Variants in SH3TC1 observed in about 807,000 individuals in gnomAD.
SH3TC1 encodes the protein SH3 domain and tetratricopeptide repeats 1, also known as SH3 domain and tetratricopeptide repeat-containing protein 1.
Under a neutral mutation model 117.3 loss-of-function variants are expected in SH3TC1, and 135 were observed. The ratio of observed to expected loss-of-function variants is 1.15; its 90% CI spans 1.00 to 1.33. SH3TC1 has a LOEUF of 1.33. Among genes scored for constraint, SH3TC1 ranks in the 40% most tolerant of loss-of-function variants. SH3TC1 has a pLI of 0.00. For missense variants in SH3TC1, 2,092 were observed against 1,794.3 expected, an observed-to-expected ratio of 1.17 and a Z score of -3.00; for synonymous variants, 898 against 816.9, an observed-to-expected ratio of 1.10 and a Z score of -1.69.
chr4:8,230,048 C>T (rs1194872215), intron 12 of SH3TC1, among the ~76,000 whole-genome samples: 1 of 151,878 alleles, frequency 6.6e-6, no homozygotes, highest in Non-Finnish European at 1.5e-5. Flanking sequence ...GCTTCCCTGT[C>T]TCCCCACCCC....
chr4:8,198,063 G>A (rs975940002), upstream of SH3TC1, among the ~76,000 whole-genome samples: 2 of 152,090 alleles, frequency 1.3e-5, no homozygotes, highest in Admixed American at 1.3e-4. Flanking sequence ...AGTGGGTGGA[G>A]GCCAGGGACC....
Position 8,235,475 on chromosome 4 carries a change from GGGCTGGAGCTGTTTGAGGC to G in SH3TC1, c.3334_3352del (p.Leu1112ThrfsTer26). 1 of 1,601,590 alleles carries G rather than the reference GGGCTGGAGCTGTTTGAGGC, an allele frequency of 6.2e-7. No individual in the cohort carries two copies. Among genetic ancestry groups the G allele is most frequent in the South Asian group, 1.1e-5 (1 of 89,618 alleles). ...CCTGTACACAGGCGACCCCAACCTG[GGGCTGGAGCTGTTTGAGGC>G]GGCTGGAGACATCTTCTTCGACGGG... is the stretch of plus-strand genomic sequence containing the variant. On this transcript the variant is annotated frameshift_variant, in exon 15 of 18. Transcript: ENST00000245105. LOFTEE classifies it high-confidence loss of function.
At chr4:8,189,260 C>A (rs148323050) in intron 1 of SH3TC1, among the ~76,000 whole-genome samples, 1 of 152,266 alleles carries the variant, frequency 6.6e-6, no homozygotes, top group East Asian at 1.9e-4. Flanking sequence ...GAGAGCAAGG[C>A]CCGCCAGTCT....
intron 1 of SH3TC1, among the ~76,000 whole-genome samples, chr4:8,200,710 C>A (rs1050348593): frequency 1.3e-5 from 2 of 152,218 alleles, no homozygotes; most frequent in African/African-American, 4.8e-5. Flanking sequence ...TGTTCTCTCG[C>A]GGCTCTGGAG....
intron 7 of SH3TC1, among the ~76,000 whole-genome samples, chr4:8,217,897 A>G (rs112374399): frequency 0.026 from 3,945 of 152,320 alleles, 77 homozygotes; most frequent in Non-Finnish European, 0.042. Context: ...TCACAGTGGT[A>G]CTAGGATTTG....
At chr4:8,196,934 T>C (rs558348810), upstream of SH3TC1, among the ~76,000 whole-genome samples, 14 of 152,242 alleles carry the variant, frequency 9.2e-5, no homozygotes, top group East Asian at 2.1e-3. This position sits in a 1 kb window ranked among gnomAD's most constrained non-coding sequence, Gnocchi z 4.6. Flanking sequence ...TTCTAACCAC[T>C]GTCCCAGGCC....
Position 8,205,305 on chromosome 4 carries a change from GA to G in SH3TC1, c.112del (p.Arg38GlyfsTer4). ...TRDQVRTVVMRPSVSWEKAGP... is the reference protein window; with the variant it reads ...TRDQVRTVVMXPSVSWEKAGP... Reference sequence around the variant, plus strand: ...GGGACCAGGTCCGGACTGTGGTCATGAGGCCCTCTGTGAGCTGGGAGAAAGC... The same window carrying G: ...GGGACCAGGTCCGGACTGTGGTCATGGGCCCTCTGTGAGCTGGGAGAAAGC... On this transcript the variant is annotated frameshift_variant, in exon 2 of 18. Coordinates refer to ENST00000245105, the MANE Select transcript of SH3TC1 (RefSeq NM_018986.5). LOFTEE classifies it high-confidence loss of function. The surrounding 1 kb of genome is among the most constrained non-coding windows in gnomAD (Gnocchi z 5.4). 6.4e-7 allele frequency: 1 copy of G among 1,550,418 alleles called. No homozygotes were observed. The highest frequency in any genetic ancestry group is 1.2e-5 in the South Asian group (1 of 84,016).
chr4:8,189,891 G>C (rs367992997), intron 1 of SH3TC1, among the ~76,000 whole-genome samples: 10 of 152,310 alleles, frequency 6.6e-5, no homozygotes, highest in Admixed American at 6.5e-4. Context: ...GCTGGGAAAC[G>C]GGAGGTGTCC....
In SH3TC1 at chr4:8,231,993, C is replaced by T. The variant is rs780749275; in HGVS notation, c.2968C>T (p.Gln990Ter). 2.2e-5 allele frequency: 35 copies of T among 1,611,960 alleles called. No individual in the cohort carries two copies. Among genetic ancestry groups the T allele is most frequent in the Non-Finnish European group, 2.8e-5 (33 of 1,180,004 alleles). Residue 990 changes from glutamine to a stop codon, truncating the protein, a stop_gained, in exon 13 of 18, where the codon CAG (glutamine) becomes TAG (stop). Coordinates refer to ENST00000245105, the MANE Select transcript of SH3TC1 (RefSeq NM_018986.5). LOFTEE classifies it high-confidence loss of function. Reference sequence around the variant, plus strand: ...CTGCCCAGGCCAGCTGCGGGCCGTCCAGCGGCTGTGCCACTTCTACAGCGC... The same window carrying T: ...CTGCCCAGGCCAGCTGCGGGCCGTCTAGCGGCTGTGCCACTTCTACAGCGC... ...GHVESQLRAV[Q>*]RLCHFYSAVM...
At chr4:8,222,665 T>G (rs1291902969) in intron 9 of SH3TC1, among the ~76,000 whole-genome samples, 175 bp from the exon 10 acceptor site, 1 of 104,160 alleles carries the variant, frequency 9.6e-6, no homozygotes, top group Non-Finnish European at 1.9e-5. Context: ...TGAGCCACCA[T>G]GCCTGGACTT....
At chr4:8,236,466 C>G (rs1473772156) in intron 16 of SH3TC1, 38 bp downstream of exon 16, 22 of 1,412,694 alleles carry the variant, frequency 1.6e-5, no homozygotes, top group Non-Finnish European at 1.9e-5. Context: ...AGGACCCACA[C>G]TTTGCCAGAG....
In SH3TC1 at chr4:8,236,280, C is replaced by T; in HGVS notation, c.3408C>T (p.Asp1136=). 6.5e-7 allele frequency: 1 copy of T among 1,549,938 alleles called. No individual in the cohort carries two copies. Among genetic ancestry groups the T allele is most frequent in the East Asian group, 2.4e-5 (1 of 41,314 alleles). ...EREKAVSFYR[D]RALPLAVTTG... ...GACCCCACCTGCCTGTGTGGCAGGACCGGGCCCTGCCCCTGGCAGTGACTA... is the reference window on the plus strand; with the variant it reads ...GACCCCACCTGCCTGTGTGGCAGGATCGGGCCCTGCCCCTGGCAGTGACTA... The change falls in exon 16 of 18, where the codon GAC becomes GAT. Residue 1136 remains aspartate (D), a splice_region_variant and synonymous_variant. Transcript: ENST00000245105.
At chr4:8,195,345 G>T (rs1173009153), upstream of SH3TC1, among the ~76,000 whole-genome samples, 1 of 152,206 alleles carries the variant, frequency 6.6e-6, no homozygotes, top group African/African-American at 2.4e-5. Context: ...GCCTGAGCTG[G>T]GGTTCGGACA....
chr4:8,241,054 A>G lies in SH3TC1; in HGVS notation c.*99A>G. ...CATTTTCTGGCAAATGGAGGCACGA[A>G]CGCAGGGGCCAAATAGCAATAAATG... On this transcript the variant is annotated 3_prime_UTR_variant, in exon 18 of 18. Transcript: ENST00000245105. The G allele has an allele frequency of 6.6e-7, 1 of 1,505,828 alleles. No individual in the cohort carries two copies. The highest frequency in any genetic ancestry group is 8.9e-7 in the Non-Finnish European group (1 of 1,123,502). 93.3% of individuals were successfully genotyped at this position (1,505,828 alleles called of 1,614,324 possible).
intron 5 of SH3TC1, 76 bp from the exon 6 acceptor site, chr4:8,216,035 C>A (rs1011934417): frequency 2.6e-6 from 4 of 1,564,130 alleles, no homozygotes; most frequent in Non-Finnish European, 2.6e-6. Context: ...GCTCAGCCGA[C>A]CTGGGACCAC....
In SH3TC1 at chr4:8,225,346, G is replaced by A. The variant is rs1720363894; in HGVS notation, c.1285+130G>A. ...GTCACCCCTCTGTGGTGTGGGCTGGGGGCTTGGGGGAGGTTGCCTGAGGTG... is the reference window on the plus strand; with the variant it reads ...GTCACCCCTCTGTGGTGTGGGCTGGAGGCTTGGGGGAGGTTGCCTGAGGTG... On this transcript the variant is annotated intron_variant, in intron 11 of 17. Coordinates refer to ENST00000245105, the MANE Select transcript of SH3TC1 (RefSeq NM_018986.5). This position sits in a 1 kb window ranked among gnomAD's most constrained non-coding sequence, Gnocchi z 5.5. 3 of 1,073,090 alleles carry A rather than the reference G, an allele frequency of 2.8e-6. No individual in the cohort carries two copies. Among genetic ancestry groups the A allele is most frequent in the East Asian group, 2.6e-5 (1 of 37,962 alleles). 66.5% of individuals were successfully genotyped at this position (1,073,090 alleles called of 1,614,324 possible).
intron 1 of SH3TC1, among the ~76,000 whole-genome samples, chr4:8,204,593 C>T (rs1718046971): frequency 1.3e-5 from 2 of 152,218 alleles, no homozygotes; most frequent in African/African-American, 4.8e-5. Context: ...TGCCATCCTC[C>T]TCTCTTATTA....
In SH3TC1 at chr4:8,232,121, C is replaced by T. The variant is rs1721280432; in HGVS notation, c.3096C>T (p.Thr1032=). Residue 1032 remains threonine (T), a synonymous_variant, in exon 13 of 18, where the codon ACC becomes ACT. Transcript: ENST00000245105. ...DKVLEGQLLE[T]ISQLYLSLGT... ...TGCTGGAGGGGCAGCTCCTGGAGAC[C>T]ATCAGCCAGCTCTACCTGTCCCTGG... 3 of 1,610,554 alleles carry T rather than the reference C, an allele frequency of 1.9e-6. No homozygotes were observed. The highest frequency in any genetic ancestry group is 1.3e-5 in the African/African-American group (1 of 74,310).
chr4:8,221,255 G>T (rs1719896259), intron 9 of SH3TC1, among the ~76,000 whole-genome samples: 1 of 152,226 alleles, frequency 6.6e-6, no homozygotes, highest in South Asian at 2.1e-4. Flanking sequence ...TCAGAGAAGA[G>T]CCAGGGAATG....
Sources: allele counts gnomAD v4.1 joint callset (sites outside exome capture counted in the v4.1 genomes callset), GRCh38; gene constraint gnomAD v4.1.1; non-coding constraint Gnocchi (gnomAD v3.1); transcripts MANE v1.5; gene names NCBI Gene and HGNC (gene_info 2026-07-23, HGNC 2026-07-21).